Variants in SLC25A13 observed in about 807,000 individuals in gnomAD.
SLC25A13 encodes the protein electrogenic aspartate/glutamate antiporter SLC25A13, mitochondrial.
In SLC25A13, 70 loss-of-function variants were observed where a neutral mutation model predicts 85.5. The ratio of observed to expected loss-of-function variants is 0.82; its 90% CI spans 0.68 to 1.00. The LOEUF (loss-of-function observed/expected upper bound fraction) is 1.00. Among genes scored for constraint, SLC25A13 ranks in the 50% least tolerant of loss-of-function variants. SLC25A13 has a pLI of 0.00. For missense variants in SLC25A13, 765 were observed against 819.8 expected, an observed-to-expected ratio of 0.93 and a Z score of 0.82; for synonymous variants, 259 against 288.7, an observed-to-expected ratio of 0.90 and a Z score of 1.04.
chr7:96,193,769 A>G (rs1443347160), intron 5 of SLC25A13, among the ~76,000 whole-genome samples: 1 of 152,180 alleles, frequency 6.6e-6, no homozygotes, highest in Non-Finnish European at 1.5e-5. Flanking sequence ...TTCCCACTAG[A>G]TACAAGTAGC....
intron 1 of SLC25A13, among the ~76,000 whole-genome samples, chr7:96,298,541 C>G (rs368290186): frequency 6.6e-6 from 1 of 152,044 alleles, no homozygotes; most frequent in East Asian, 1.9e-4. Flanking sequence ...TCAAACGATT[C>G]TCCTGCCTCA....
At chr7:96,196,570 G>T (rs1456926843) in intron 5 of SLC25A13, among the ~76,000 whole-genome samples, 1 of 152,174 alleles carries the variant, frequency 6.6e-6, no homozygotes, top group East Asian at 1.9e-4. Context: ...CTGTGCCCAC[G>T]CTTCCATGAT....
chr7:96,247,652 T>C (rs1243224201), intron 3 of SLC25A13, among the ~76,000 whole-genome samples: 2 of 152,116 alleles, frequency 1.3e-5, no homozygotes, highest in South Asian at 2.1e-4. Context: ...TCAAGGTATA[T>C]AGGAATAAAT....
intron 3 of SLC25A13, among the ~76,000 whole-genome samples, chr7:96,276,733 A>G (rs753715419): frequency 1.3e-5 from 2 of 152,196 alleles, no homozygotes; most frequent in Non-Finnish European, 2.9e-5. Flanking sequence ...TATATGGTAC[A>G]GTTTCTTTCC....
intron 1 of SLC25A13, among the ~76,000 whole-genome samples, chr7:96,305,079 T>C (rs1426252158): frequency 3.3e-5 from 5 of 152,228 alleles, no homozygotes; most frequent in Non-Finnish European, 7.3e-5. Flanking sequence ...TTATCTTATT[T>C]CATTTATATA....
At chr7:96,166,615 T>C (rs929401192) in intron 13 of SLC25A13, among the ~76,000 whole-genome samples, 10 of 152,342 alleles carry the variant, frequency 6.6e-5, no homozygotes, top group African/African-American at 2.4e-4. Flanking sequence ...ATAAAAGTCA[T>C]ACACTTACTT....
At position 96,217,850 on chromosome 7, in the gene SLC25A13, T is replaced by C. The variant is rs541253800; in HGVS notation, c.329-8873A>G. On this transcript the variant is annotated intron_variant, in intron 4 of 17. Coordinates refer to ENST00000265631, the MANE Select transcript of SLC25A13 (RefSeq NM_014251.3). Reference sequence around the variant, plus strand: ...AAATCTGTGAATATATTAAAAACCATTGAATTATATACTTTAAATGGGTAA... The same window carrying C: ...AAATCTGTGAATATATTAAAAACCACTGAATTATATACTTTAAATGGGTAA... Among the ~76,000 whole-genome samples, 17 of 150,918 alleles carry C rather than the reference T, an allele frequency of 1.1e-4. No individual in the cohort carries two copies. The South Asian group carries it at 2.5e-3, about 22-fold the overall frequency.
intron 2 of SLC25A13, among the ~76,000 whole-genome samples, chr7:96,288,558 G>T (rs1798982692): frequency 6.6e-6 from 1 of 152,178 alleles, no homozygotes; most frequent in African/African-American, 2.4e-5. Context: ...GGAAAATCGG[G>T]TCACTCCCAC....
chr7:96,316,189 G>C (rs1306749457), intron 1 of SLC25A13, among the ~76,000 whole-genome samples: 1 of 152,106 alleles, frequency 6.6e-6, no homozygotes, highest in African/African-American at 2.4e-5. Flanking sequence ...TATGACAGTG[G>C]TGACAGTTAC....
chr7:96,202,764 A>G (rs781697191), intron 5 of SLC25A13, among the ~76,000 whole-genome samples: 3 of 152,148 alleles, frequency 2.0e-5, no homozygotes, highest in Non-Finnish European at 1.5e-5. Context: ...CAGCTCTTAC[A>G]TATAAAGCAC....
intron 13 of SLC25A13, among the ~76,000 whole-genome samples, chr7:96,150,595 G>A (rs1792995577): frequency 6.6e-6 from 1 of 152,024 alleles, no homozygotes; most frequent in South Asian, 2.1e-4. Context: ...TTAAAAAGAG[G>A]TCTTTAGGGT....
chr7:96,289,689 C>T lies in SLC25A13; in HGVS notation c.69+7209G>A, dbSNP rs185523725. Among the ~76,000 whole-genome samples, 831 of 151,796 alleles carry T rather than the reference C, an allele frequency of 5.5e-3. 10 individuals carry two copies. The highest frequency in any genetic ancestry group is 0.019 in the African/African-American group (799 of 41,384). ...GGAAGATCAAATGAATGAAATGAAGCGAGAAGAGAAGTTTAGAGAAAAAAG... is the reference window on the plus strand; with the variant it reads ...GGAAGATCAAATGAATGAAATGAAGTGAGAAGAGAAGTTTAGAGAAAAAAG... On this transcript the variant is annotated intron_variant, in intron 2 of 17. Transcript: ENST00000265631.
At position 96,193,041 on chromosome 7, in the gene SLC25A13, A is replaced by T. The variant is rs1303970601; in HGVS notation, c.611T>A (p.Val204Glu). 1 of 1,614,010 alleles carries T rather than the reference A, an allele frequency of 6.2e-7. No individual in the cohort carries two copies. The highest frequency in any genetic ancestry group is 8.5e-7 in the Non-Finnish European group (1 of 1,180,006). ...TTAGGGCAAGTTACAACTTACAGCT[A>T]CTAGACATTCTTCTACAAAAGGAGT... ...VLTPFVEECL[V>E]AAAGGTTSHQ... Residue 204 changes from valine to glutamate, a missense_variant, in exon 6 of 18, where the codon GTA becomes GAA. Physicochemically the swap from Val to Glu is moderately radical, Grantham distance 121 (BLOSUM62 -2). Coordinates refer to ENST00000265631, the MANE Select transcript of SLC25A13 (RefSeq NM_014251.3).
At chr7:96,297,526 G>A (rs186067808) in intron 1 of SLC25A13, among the ~76,000 whole-genome samples, 291 of 152,038 alleles carry the variant, frequency 1.9e-3, no homozygotes, top group Non-Finnish European at 3.5e-3. Flanking sequence ...TAGAGATAGG[G>A]TTTCACCATG....
chr7:96,122,648 A>G (rs192496543), intron 15 of SLC25A13, among the ~76,000 whole-genome samples: 3 of 152,332 alleles, frequency 2.0e-5, no homozygotes, highest in Admixed American at 2.0e-4. Flanking sequence ...TCTTTTCCCT[A>G]AGACTGACAT....
At chr7:96,307,255 T>C (rs563479848) in intron 1 of SLC25A13, among the ~76,000 whole-genome samples, 1 of 152,304 alleles carries the variant, frequency 6.6e-6, no homozygotes, top group African/African-American at 2.4e-5. Context: ...ATGTGTACAA[T>C]GTGTACAGAA....
At chr7:96,319,008 C>T (rs899653982) in intron 1 of SLC25A13, among the ~76,000 whole-genome samples, 1 of 152,176 alleles carries the variant, frequency 6.6e-6, no homozygotes, top group Admixed American at 6.5e-5. Context: ...AAGCAAGGAG[C>T]ACAGCCTTTA....
At chr7:96,173,052 C>T (rs1182187047) in intron 11 of SLC25A13, among the ~76,000 whole-genome samples, 1 of 152,244 alleles carries the variant, frequency 6.6e-6, no homozygotes, top group Non-Finnish European at 1.5e-5. Flanking sequence ...GCCACAGCGC[C>T]CGGCCTCCAG....
At chr7:96,144,449 T>C (rs1202949346) in intron 14 of SLC25A13, among the ~76,000 whole-genome samples, 1 of 152,208 alleles carries the variant, frequency 6.6e-6, no homozygotes, top group Non-Finnish European at 1.5e-5. Flanking sequence ...ACTGATTTTC[T>C]TGGTAATTAC....
Sources: gnomAD v4.1 joint callset for allele counts (sites outside exome capture counted in the v4.1 genomes callset) on GRCh38, gnomAD v4.1.1 for gene constraint, MANE v1.5 for transcripts, NCBI Gene and HGNC (gene_info 2026-07-23, HGNC 2026-07-21) for gene names.